Variants in LAMC1 observed in about 807,000 individuals in gnomAD.
LAMC1 encodes the protein laminin subunit gamma 1.
A neutral mutation model predicts 173.6 loss-of-function variants in LAMC1; 38 were observed. The observed-to-expected ratio is 0.22, with a 90% CI of 0.17 to 0.29. LAMC1 has a LOEUF of 0.29. Ranked by LOEUF, LAMC1 falls within the 10% of genes least tolerant of loss-of-function variation. The pLI, the probability that LAMC1 is intolerant of heterozygous loss-of-function variation, is 1.00. For synonymous variants in LAMC1, 746 were observed against 749.1 expected, an observed-to-expected ratio of 1.00 and a Z score of 0.07; for missense variants, 1,824 against 2,051.8, an observed-to-expected ratio of 0.89 and a Z score of 2.14.
chr1:183,084,302 C>G (rs564240191), intron 1 of LAMC1, among the ~76,000 whole-genome samples: 21 of 151,396 alleles, frequency 1.4e-4, no homozygotes, highest in African/African-American at 5.1e-4. Flanking sequence ...AAGATCGCGC[C>G]GCCGCACTCC....
intron 1 of LAMC1, among the ~76,000 whole-genome samples, chr1:183,090,253 A>G (rs919195360): frequency 1.3e-5 from 2 of 152,170 alleles, no homozygotes; most frequent in African/African-American, 2.4e-5. Flanking sequence ...AAAAAAGCAG[A>G]TGCATCTAGG....
At chr1:183,105,131 G>A (rs192061685) in intron 2 of LAMC1, among the ~76,000 whole-genome samples, 13 of 149,930 alleles carry the variant, frequency 8.7e-5, no homozygotes, top group South Asian at 6.4e-4. Context: ...AGGCTGAGGC[G>A]GGAGAATCAC....
intron 10 of LAMC1, 101 bp downstream of exon 10, chr1:183,117,824 T>A: frequency 9.2e-7 from 1 of 1,083,260 alleles, no homozygotes; most frequent in Admixed American, 2.5e-5. Context: ...AAAGAAAAAC[T>A]TCTGGGTTAT....
rs550227960 is a variant in LAMC1 at position 183,116,253 on chromosome 1, C to G, written c.1329-324C>G. On this transcript the variant is annotated intron_variant, in intron 6 of 27. Coordinates refer to ENST00000258341, the MANE Select transcript of LAMC1 (RefSeq NM_002293.4). ...CAGCACTTTGGGAAGCCGAGGCAGGCGGATCACAAGGTCAAGAGATCAAGA... is the reference window on the plus strand; with the variant it reads ...CAGCACTTTGGGAAGCCGAGGCAGGGGGATCACAAGGTCAAGAGATCAAGA... Among the ~76,000 whole-genome samples the G allele has an allele frequency of 4.8e-4, 73 of 152,108 alleles. 2 individuals carry two copies. The highest frequency in any genetic ancestry group is 1.6e-3 in the African/African-American group (65 of 41,462).
intron 2 of LAMC1, among the ~76,000 whole-genome samples, chr1:183,105,802 C>T (rs1205850586): frequency 1.3e-5 from 2 of 152,204 alleles, no homozygotes; most frequent in African/African-American, 2.4e-5. Flanking sequence ...AGAGAGAACT[C>T]TTGCCTCTCT....
chr1:183,082,721 C>T (rs968650095), intron 1 of LAMC1, among the ~76,000 whole-genome samples: 1 of 152,164 alleles, frequency 6.6e-6, no homozygotes, highest in Admixed American at 6.6e-5. Context: ...GTATCTTTGT[C>T]ATTTTAGGCA....
In LAMC1 at chr1:183,122,112, C is replaced by T; in HGVS notation, c.2262C>T (p.Cys754=). 6.2e-7 allele frequency: 1 copy of T among 1,614,174 alleles called. No individual in the cohort carries two copies. Among genetic ancestry groups the T allele is most frequent in the Admixed American group, 1.7e-5 (1 of 60,030 alleles). The change falls in exon 13 of 28, where the codon TGC becomes TGT. Residue 754 remains cysteine, a synonymous_variant. Transcript: ENST00000258341. ...DNTAGPHCEK[C]SDGYYGDSTA... ...CGGCTGGCCCGCACTGTGAGAAGTG[C>T]AGTGATGGGTACTATGGAGATTCAA...
At chr1:183,100,076 A>G (rs1389660385) in intron 1 of LAMC1, among the ~76,000 whole-genome samples, 2 of 152,206 alleles carry the variant, frequency 1.3e-5, no homozygotes, top group African/African-American at 2.4e-5. Flanking sequence ...ACTAACAGCG[A>G]CAAGTTGAGG....
At chr1:183,131,437 G>A in intron 20 of LAMC1, 59 bp downstream of exon 20, 1 of 989,424 alleles carries the variant, frequency 1.0e-6, no homozygotes, top group Non-Finnish European at 1.6e-6. Context: ...GGGTGTGTGT[G>A]TGTGTGTGTG....
chr1:183,038,975 T>A (rs1654054298), intron 1 of LAMC1, among the ~76,000 whole-genome samples: 1 of 152,178 alleles, frequency 6.6e-6, no homozygotes, highest in Non-Finnish European at 1.5e-5. Flanking sequence ...CTGGTTTAAT[T>A]TATTTAATCT....
At chr1:183,096,386 C>T (rs941886362) in intron 1 of LAMC1, among the ~76,000 whole-genome samples, 1 of 152,178 alleles carries the variant, frequency 6.6e-6, no homozygotes, top group Admixed American at 6.5e-5. Context: ...ATTCTGTTAG[C>T]TTTAAAAAAT....
At chr1:183,059,539 A>G (rs1273925279) in intron 1 of LAMC1, among the ~76,000 whole-genome samples, 2 of 152,038 alleles carry the variant, frequency 1.3e-5, no homozygotes, top group African/African-American at 4.8e-5. Flanking sequence ...AAAATAACTA[A>G]CCCAGATTGT....
chr1:183,127,481 G>A, intron 17 of LAMC1, 77 bp downstream of exon 17: 2 of 1,360,350 alleles, frequency 1.5e-6, no homozygotes, highest in Admixed American at 1.8e-5. Context: ...AATCTCTATA[G>A]AAAAAGTGGT....
At chr1:183,059,617 G>A (rs1654689800) in intron 1 of LAMC1, among the ~76,000 whole-genome samples, 1 of 152,196 alleles carries the variant, frequency 6.6e-6, no homozygotes, top group Admixed American at 6.5e-5. Flanking sequence ...GCCAAGGTAA[G>A]TGACTTGCTC....
At chr1:183,090,281 A>G (rs80249560) in intron 1 of LAMC1, among the ~76,000 whole-genome samples, 190 of 152,308 alleles carry the variant, frequency 1.2e-3, no homozygotes, top group African/African-American at 4.5e-3. Flanking sequence ...GATTATTTAC[A>G]TGTAGTCCAG....
chr1:183,065,679 G>A (rs935132239), intron 1 of LAMC1, among the ~76,000 whole-genome samples: 4 of 152,168 alleles, frequency 2.6e-5, no homozygotes, highest in African/African-American at 4.8e-5. Context: ...TAATTGTCAC[G>A]TGTATATTTT....
chr1:183,089,495 G>A (rs375104727), intron 1 of LAMC1, among the ~76,000 whole-genome samples: 6 of 152,242 alleles, frequency 3.9e-5, no homozygotes, highest in East Asian at 3.9e-4. Context: ...AGTTTCAAGC[G>A]TGATTGCAAA....
intron 1 of LAMC1, among the ~76,000 whole-genome samples, chr1:183,100,152 G>A (rs772202359): frequency 1.3e-5 from 2 of 152,022 alleles, no homozygotes; most frequent in Non-Finnish European, 2.9e-5. Context: ...TATTGAAAAC[G>A]GCTTCCTACA....
At chr1:183,138,852 G>A (rs1404086126) in intron 26 of LAMC1, among the ~76,000 whole-genome samples, 2 of 152,050 alleles carry the variant, frequency 1.3e-5, no homozygotes, top group Non-Finnish European at 2.9e-5. Flanking sequence ...TCAGGAATTC[G>A]AGACCAGCCT....
Sources: allele counts gnomAD v4.1 joint callset (sites outside exome capture counted in the v4.1 genomes callset), GRCh38; gene constraint gnomAD v4.1.1; transcripts MANE v1.5; gene names NCBI Gene and HGNC (gene_info 2026-07-23, HGNC 2026-07-21).